Variants in ADNP2 observed in about 807,000 individuals in gnomAD.
ADNP2 encodes activity-dependent neuroprotector homeobox protein 2.
Under a neutral mutation model 16.4 loss-of-function variants are expected in ADNP2, and 8 were observed. The observed-to-expected ratio is 0.49, with a 90% CI of 0.29 to 0.88. The LOEUF (loss-of-function observed/expected upper bound fraction) is 0.88, where lower values mean the gene tolerates loss of function less well. Among genes scored for constraint, ADNP2 ranks in the 40% least tolerant of loss-of-function variants. The pLI, the probability that ADNP2 is intolerant of heterozygous loss-of-function variation, is 0.09. For synonymous variants in ADNP2, 637 were observed against 545.8 expected (o/e 1.17, Z -2.33); for missense variants, 1,397 against 1,395.1 (o/e 1.00, Z -0.02).
Position 80,137,644 on chromosome 18 carries a change from A to C in ADNP2, c.2231A>C (p.Glu744Ala). The change falls in exon 4 of 4, where the codon GAG (glutamate) becomes GCG (alanine). Residue 744 changes from glutamate (E) to alanine (A), a missense_variant. Glu to Ala is a moderately radical substitution (Grantham distance 107). Coordinates refer to ENST00000262198, the MANE Select transcript of ADNP2 (RefSeq NM_014913.4). The surrounding 1 kb of genome is among the most constrained non-coding windows in gnomAD (Gnocchi z 4.2). ...GCACCATTTCTAAAGTGGATGAGAG[A>C]GAAAACGGTGCGATGTCTGTCTTGT... Reference protein sequence around the residue: ...ACAPFLKWMREKTVRCLSCKC... With the variant: ...ACAPFLKWMRAKTVRCLSCKC... 6.2e-7 allele frequency: 1 copy of C among 1,614,200 alleles called. No individual in the cohort carries two copies. The highest frequency in any genetic ancestry group is 1.1e-5 in the South Asian group (1 of 91,086).
chr18:80,138,799 A>G lies in ADNP2; in HGVS notation c.3386A>G (p.Tyr1129Cys), dbSNP rs766516469. 1.3e-6 allele frequency: 2 copies of G among 1,511,676 alleles called. No homozygotes were observed. Among genetic ancestry groups the G allele is most frequent in the African/African-American group, 1.5e-5 (1 of 66,132 alleles). The allele number at this position is 1,511,676 out of a possible 1,614,324, so 93.6% of individuals were successfully genotyped here. A position where few individuals can be genotyped will look rare whatever the true frequency, so the allele number is the denominator to read the frequency against. Residue 1129 changes from tyrosine to cysteine, a missense_variant, in exon 4 of 4, where the codon TAT becomes TGT. Physicochemically the swap from Tyr to Cys is radical, Grantham distance 194. Coordinates refer to ENST00000262198, the MANE Select transcript of ADNP2 (RefSeq NM_014913.4). ...KNVKHRLNFEYEP is the reference protein window; with the variant it reads ...KNVKHRLNFECEP ...GTGAAACATAGATTGAACTTTGAATATGAACCATAAAACTTGCAAAAAAAA... is the reference window on the plus strand; with the variant it reads ...GTGAAACATAGATTGAACTTTGAATGTGAACCATAAAACTTGCAAAAAAAA...
chr18:80,132,431 A>C (rs2052502622), intron 2 of ADNP2, among the ~76,000 whole-genome samples: 2 of 152,194 alleles, frequency 1.3e-5, no homozygotes, highest in African/African-American at 4.8e-5. Context: ...GATTTAACAT[A>C]AGAGACTTGA....
chr18:80,137,504 T>G lies in ADNP2; in HGVS notation c.2091T>G (p.Pro697=), dbSNP rs368963769. The change falls in exon 4 of 4, where the codon CCT becomes CCG. Residue 697 remains proline (P), a synonymous_variant. Transcript: ENST00000262198. The surrounding 1 kb of genome is among the most constrained non-coding windows in gnomAD (Gnocchi z 4.2). ...LKQAKQWKTC[P]VCNELFPSNV... Reference sequence around the variant, plus strand: ...AGGCCAAGCAGTGGAAGACCTGCCCTGTCTGCAACGAGCTCTTTCCGTCCA... The same window carrying G: ...AGGCCAAGCAGTGGAAGACCTGCCCGGTCTGCAACGAGCTCTTTCCGTCCA... 1.2e-5 allele frequency: 19 copies of G among 1,614,122 alleles called. No homozygotes were observed. Among genetic ancestry groups the G allele is most frequent in the Admixed American group, 1.7e-5 (1 of 60,008 alleles).
chr18:80,136,817 G>A lies in ADNP2; in HGVS notation c.1404G>A (p.Gly468=). 6.2e-7 allele frequency: 1 copy of A among 1,612,566 alleles called. No individual in the cohort carries two copies. The highest frequency in any genetic ancestry group is 8.5e-7 in the Non-Finnish European group (1 of 1,178,924). ...TGACTCCTGCAGGGGTTATCCCTGG[G>A]CAAACAGCAACTTCTGGGGTTCTTC... ...GQMTPAGVIP[G]QTATSGVLPT... is the part of the protein sequence containing the mutation. Residue 468 remains glycine, a synonymous_variant, in exon 4 of 4, where the codon GGG becomes GGA. Transcript: ENST00000262198.
chr18:80,124,117 G>A (rs1430686730), intron 2 of ADNP2, among the ~76,000 whole-genome samples: 1 of 152,142 alleles, frequency 6.6e-6, no homozygotes, highest in African/African-American at 2.4e-5. Flanking sequence ...TCAGTCTCTT[G>A]TTACAGAAAT....
chr18:80,109,711 C>G (rs2052344533), intron 1 of ADNP2: 1 of 150,798 alleles, frequency 6.6e-6, no homozygotes. Flanking sequence ...CGGCCCGCCC[C>G]GCCCGCCGCC....
chr18:80,125,989 A>G (rs764874983), intron 2 of ADNP2, among the ~76,000 whole-genome samples: 14 of 151,966 alleles, frequency 9.2e-5, no homozygotes, highest in African/African-American at 3.4e-4. Flanking sequence ...GAAGTTTGCC[A>G]GTCCTTTTTA....
chr18:80,118,794 C>T (rs56788640), intron 2 of ADNP2, among the ~76,000 whole-genome samples: 191 of 152,062 alleles, frequency 1.3e-3, no homozygotes, highest in African/African-American at 4.3e-3. Context: ...TTTTTTTTCC[C>T]AAGACTTTAC....
rs1211602493 is a variant in ADNP2 at position 80,136,865 on chromosome 18, A to G, written c.1452A>G (p.Ser484=). 4.3e-6 allele frequency: 7 copies of G among 1,613,832 alleles called. No homozygotes were observed. Among genetic ancestry groups the G allele is most frequent in the Non-Finnish European group, 5.9e-6 (7 of 1,179,936 alleles). The change falls in exon 4 of 4, where the codon TCA becomes TCG. Residue 484 remains serine (S), a synonymous_variant. Transcript: ENST00000262198. ...GVLPTGQMVQ[S]GVLPVGQTAP... ...TTCCTACTGGCCAGATGGTCCAGTC[A>G]GGAGTTCTCCCTGTGGGCCAGACAG...
At chr18:80,126,715 T>G (rs1431479175) in intron 2 of ADNP2, among the ~76,000 whole-genome samples, 2 of 152,182 alleles carry the variant, frequency 1.3e-5, no homozygotes, top group Admixed American at 6.5e-5. Flanking sequence ...CTGGTGAGCT[T>G]CTTGATTTTG....
At chr18:80,122,892 TAGG>T (rs927012654) in intron 2 of ADNP2, among the ~76,000 whole-genome samples, 2 of 152,204 alleles carry the variant, frequency 1.3e-5, no homozygotes, top group Non-Finnish European at 2.9e-5. Context: ...TTCCTGATAT[TAGG>T]AGGAGAGTTT....
At chr18:80,113,202 T>A (rs1201651020) in intron 1 of ADNP2, among the ~76,000 whole-genome samples, 1 of 152,180 alleles carries the variant, frequency 6.6e-6, no homozygotes, top group East Asian at 1.9e-4. Flanking sequence ...AACTTAAAAT[T>A]TTATAAAGAA....
Position 80,138,088 on chromosome 18 carries a change from T to A in ADNP2, c.2675T>A (p.Leu892Gln), listed in dbSNP as rs770212235. The A allele has an allele frequency of 1.2e-6, 2 of 1,613,784 alleles. No homozygotes were observed. The highest frequency in any genetic ancestry group is 2.7e-5 in the African/African-American group (2 of 74,914). Reference sequence around the variant, plus strand: ...TTTGTGACAACTGAGGCCTATGAGCTGCATTTGAAGGAGAGGCACCACATC... The same window carrying A: ...TTTGTGACAACTGAGGCCTATGAGCAGCATTTGAAGGAGAGGCACCACATC... ...GPFVTTEAYE[L>Q]HLKERHHIMP... Residue 892 changes from leucine (L) to glutamine (Q), a missense_variant, in exon 4 of 4, where the codon CTG becomes CAG. Transcript: ENST00000262198.
intron 2 of ADNP2, among the ~76,000 whole-genome samples, chr18:80,131,762 C>T (rs2052498097): frequency 2.0e-5 from 3 of 150,890 alleles, no homozygotes; most frequent in Admixed American, 2.0e-4. Flanking sequence ...GAAAACCAAA[C>T]ACTGCATGTT....
At chr18:80,121,680 C>T (rs1475792213) in intron 2 of ADNP2, among the ~76,000 whole-genome samples, 1 of 152,106 alleles carries the variant, frequency 6.6e-6, no homozygotes, top group Non-Finnish European at 1.5e-5. Flanking sequence ...CATGTTAAGT[C>T]GCTGATCTAT....
chr18:80,116,090 C>T (rs2052387588), intron 1 of ADNP2, among the ~76,000 whole-genome samples: 1 of 152,174 alleles, frequency 6.6e-6, no homozygotes, highest in Admixed American at 6.5e-5. Context: ...TATGGATTTG[C>T]CTGTTCTGGA....
In ADNP2 at chr18:80,137,486, G is replaced by C; in HGVS notation, c.2073G>C (p.Lys691Asn). ...ADTNQVLKQAKQWKTCPVCNE... is the reference protein window; with the variant it reads ...ADTNQVLKQANQWKTCPVCNE... ...CAAACCAGGTGCTCAAACAGGCCAAGCAGTGGAAGACCTGCCCTGTCTGCA... is the reference window on the plus strand; with the variant it reads ...CAAACCAGGTGCTCAAACAGGCCAACCAGTGGAAGACCTGCCCTGTCTGCA... The change falls in exon 4 of 4, where the codon AAG (lysine) becomes AAC (asparagine). Residue 691 changes from lysine to asparagine, a missense_variant. Lys to Asn is a moderately conservative substitution (Grantham distance 94). Transcript: ENST00000262198. The surrounding 1 kb of genome is among the most constrained non-coding windows in gnomAD (Gnocchi z 4.2). 6.2e-7 allele frequency: 1 copy of C among 1,614,234 alleles called. No homozygotes were observed. The highest frequency in any genetic ancestry group is 8.5e-7 in the Non-Finnish European group (1 of 1,180,050).
At chr18:80,116,775 A>G (rs556537034) in intron 1 of ADNP2, among the ~76,000 whole-genome samples, 1 of 152,248 alleles carries the variant, frequency 6.6e-6, no homozygotes, top group South Asian at 2.1e-4. Context: ...AGCTGGGACT[A>G]CAGGTGCGCA....
intron 2 of ADNP2, among the ~76,000 whole-genome samples, chr18:80,125,608 A>G (rs978063367): frequency 6.6e-6 from 1 of 151,854 alleles, no homozygotes; most frequent in African/African-American, 2.4e-5. Context: ...GTGCCACTGC[A>G]CTCCAGCCTG....
Sources: gnomAD v4.1 joint callset for allele counts (sites outside exome capture counted in the v4.1 genomes callset) on GRCh38, gnomAD v4.1.1 for gene constraint, Gnocchi (gnomAD v3.1) non-coding constraint, MANE v1.5 for transcripts, NCBI Gene and HGNC (gene_info 2026-07-23, HGNC 2026-07-21) for gene names.